ADK: variants seen among roughly 807,000 people sequenced by gnomAD.
ADK encodes adenosine kinase, also known as N6,N6-dimethyladenosine kinase.
A neutral mutation model predicts 44.7 loss-of-function variants in ADK; 24 were observed. The ratio of observed to expected loss-of-function variants is 0.54; its 90% confidence interval spans 0.39 to 0.76. The LOEUF (loss-of-function observed/expected upper bound fraction) is 0.76, where lower values mean the gene tolerates loss of function less well. Ranked by LOEUF, ADK falls within the 30% of genes least tolerant of loss-of-function variation. The pLI is 0.00. For synonymous variants in ADK, 128 were observed against 142.6 expected (o/e 0.90, Z 0.73); for missense variants, 321 against 425.1 (o/e 0.76, Z 2.15).
chr10:74,631,239 TG>T (rs1853407166), intron 9 of ADK, among the ~76,000 whole-genome samples: 2 of 151,788 alleles, frequency 1.3e-5, no homozygotes, highest in Admixed American at 6.6e-5. Context: ...TGTGCGTGTG[TG>T]TGTGTGTGTA....
At chr10:74,541,903 A>G (rs1368855396) in intron 7 of ADK, among the ~76,000 whole-genome samples, 1 of 147,806 alleles carries the variant, frequency 6.8e-6, no homozygotes. Context: ...ACTAACTTTG[A>G]TCACATGGTT....
At chr10:74,334,171 A>C (rs891770103) in intron 4 of ADK, among the ~76,000 whole-genome samples, 1 of 152,000 alleles carries the variant, frequency 6.6e-6, no homozygotes, top group African/African-American at 2.4e-5. Context: ...CCTTTCCCCT[A>C]CTTCAGCCCT....
At chr10:74,242,923 G>C (rs1845277887) in intron 3 of ADK, among the ~76,000 whole-genome samples, 1 of 152,122 alleles carries the variant, frequency 6.6e-6, no homozygotes, top group African/African-American at 2.4e-5. Context: ...TCTCCACTGA[G>C]AGCCATTTCC....
chr10:74,428,154 G>A (rs879334053), intron 6 of ADK, among the ~76,000 whole-genome samples: 1 of 152,096 alleles, frequency 6.6e-6, no homozygotes, highest in Non-Finnish European at 1.5e-5. Context: ...CATTAGGGCC[G>A]ACTCTAATTC....
At chr10:74,611,404 A>G (rs1408093882) in intron 9 of ADK, among the ~76,000 whole-genome samples, 2 of 152,032 alleles carry the variant, frequency 1.3e-5, no homozygotes, top group African/African-American at 4.8e-5. Context: ...GGGAGAAAAT[A>G]TATTAAGTCA....
chr10:74,668,948 A>G (rs10740442), intron 9 of ADK, among the ~76,000 whole-genome samples: 1 of 150,192 alleles, frequency 6.7e-6, no homozygotes, highest in African/African-American at 2.5e-5. Context: ...CACAGGAGGC[A>G]GAGAGAATCC....
At chr10:74,414,415 T>C (rs41405146) in intron 6 of ADK, among the ~76,000 whole-genome samples, 3,501 of 152,266 alleles carry the variant, frequency 0.023, 64 homozygotes, top group South Asian at 0.073. Context: ...GAATCTTTGA[T>C]TTTTGCTGGA....
intron 6 of ADK, among the ~76,000 whole-genome samples, chr10:74,409,179 G>A (rs1003076641): frequency 2.6e-5 from 4 of 152,138 alleles, no homozygotes; most frequent in African/African-American, 9.7e-5. Context: ...TGTGAGTACA[G>A]TAGGATTTTG....
chr10:74,348,066 C>G (rs1841837374), intron 4 of ADK, among the ~76,000 whole-genome samples: 1 of 152,206 alleles, frequency 6.6e-6, no homozygotes, highest in South Asian at 2.1e-4. Context: ...TCTCCCAGAA[C>G]AGTGCTTGAG....
chr10:74,449,065 CTA>C (rs1484666829), intron 6 of ADK, among the ~76,000 whole-genome samples: 2 of 152,094 alleles, frequency 1.3e-5, no homozygotes, highest in Non-Finnish European at 2.9e-5. Context: ...AGGAATTGGC[CTA>C]TGTCATTGTG....
chr10:74,492,362 G>T (rs1226127851), intron 6 of ADK, among the ~76,000 whole-genome samples: 1 of 152,004 alleles, frequency 6.6e-6, no homozygotes, highest in East Asian at 1.9e-4. Flanking sequence ...AGCTATTTGG[G>T]AGGCTGAGGA....
intron 1 of ADK, among the ~76,000 whole-genome samples, chr10:74,181,292 CTT>C (rs1300853145): frequency 6.6e-6 from 1 of 151,310 alleles, no homozygotes; most frequent in Non-Finnish European, 1.5e-5. Context: ...TAAATGAAAA[CTT>C]TTCTTTTTTT....
intron 5 of ADK, 61 bp from the exon 6 acceptor site, chr10:74,398,410 C>A: frequency 2.8e-6 from 3 of 1,083,892 alleles, no homozygotes; most frequent in Non-Finnish European, 4.1e-6. Context: ...TGGTAATTAT[C>A]TATTGAAACA....
At chr10:74,191,300 C>A (rs1239493278) in intron 1 of ADK, among the ~76,000 whole-genome samples, 1 of 151,238 alleles carries the variant, frequency 6.6e-6, no homozygotes, top group East Asian at 1.9e-4. Context: ...ATTTTTTTGC[C>A]AGTGTTCTTG....
chr10:74,395,743 G>A (rs1164739050), intron 5 of ADK, among the ~76,000 whole-genome samples: 3 of 152,178 alleles, frequency 2.0e-5, no homozygotes, highest in African/African-American at 4.8e-5. Context: ...TTATGGTTGG[G>A]TGCAGTGGCT....
At chr10:74,568,479 C>T (rs1012448929) in intron 7 of ADK, among the ~76,000 whole-genome samples, 1 of 151,972 alleles carries the variant, frequency 6.6e-6, no homozygotes, top group Non-Finnish European at 1.5e-5. Context: ...ATCCAGAACC[C>T]AAGAGAAAGT....
chr10:74,318,455 C>T (rs1438458903), intron 4 of ADK, among the ~76,000 whole-genome samples: 1 of 152,154 alleles, frequency 6.6e-6, no homozygotes, highest in Non-Finnish European at 1.5e-5. Flanking sequence ...AACCATTTTA[C>T]CTGGCTCAAA....
chr10:74,429,323 T>G (rs1302225035), intron 6 of ADK, among the ~76,000 whole-genome samples: 1 of 152,216 alleles, frequency 6.6e-6, no homozygotes, highest in Non-Finnish European at 1.5e-5. Context: ...CAACATTAAA[T>G]TATGTTACCT....
chr10:74,456,877 T>C (rs1047628075), intron 6 of ADK, among the ~76,000 whole-genome samples: 2 of 151,902 alleles, frequency 1.3e-5, no homozygotes, highest in Non-Finnish European at 1.5e-5. Flanking sequence ...AGGAGAAAAC[T>C]GGAAAGATCT....
Sources: gnomAD v4.1 joint callset for allele counts (sites outside exome capture counted in the v4.1 genomes callset) on GRCh38, gnomAD v4.1.1 for gene constraint, MANE v1.5 for transcripts, NCBI Gene and HGNC (gene_info 2026-07-23, HGNC 2026-07-21) for gene names.